PPARGC1A: variants seen among roughly 807,000 people sequenced by gnomAD.
The protein encoded by PPARGC1A is PPARG coactivator 1 alpha.
In PPARGC1A, 25 loss-of-function variants were observed where a neutral mutation model predicts 88.7. The ratio of observed to expected loss-of-function variants is 0.28; its 90% CI spans 0.21 to 0.39. The LOEUF (loss-of-function observed/expected upper bound fraction) is 0.39, where lower values mean the gene tolerates loss of function less well. PPARGC1A is among the 10% of genes least tolerant of loss of function. PPARGC1A has a pLI of 1.00. For synonymous variants in PPARGC1A, 363 were observed against 355.6 expected, an observed-to-expected ratio of 1.02 and a Z score of -0.24; for missense variants, 880 against 968.7, an observed-to-expected ratio of 0.91 and a Z score of 1.22.
chr4:23,796,216 C>T (rs556065943), intron 12 of PPARGC1A, among the ~76,000 whole-genome samples: 5 of 152,036 alleles, frequency 3.3e-5, no homozygotes, highest in African/African-American at 4.8e-5. Flanking sequence ...TCCCCCGACA[C>T]GTCAAATGAC....
intron 10 of PPARGC1A, among the ~76,000 whole-genome samples, chr4:23,808,170 G>T (rs1214425268): frequency 6.9e-6 from 1 of 144,564 alleles, no homozygotes; most frequent in African/African-American, 2.6e-5. Flanking sequence ...AGAATGGCGT[G>T]AACCCAGGAG....
the PPARGC1A span, among the ~76,000 whole-genome samples, chr4:24,433,371 C>T: frequency 2.6e-5 from 4 of 151,988 alleles, no homozygotes; most frequent in Non-Finnish European, 5.9e-5. Flanking sequence ...GGGGGACAGG[C>T]AATTCTCGGG....
the PPARGC1A span, among the ~76,000 whole-genome samples, chr4:24,070,145 C>T: frequency 5.3e-5 from 8 of 152,148 alleles, no homozygotes; most frequent in Admixed American, 2.0e-4. Flanking sequence ...GGATTCCATA[C>T]AGGAATTATA....
chr4:24,215,224 T>C, the PPARGC1A span, among the ~76,000 whole-genome samples: 1 of 152,176 alleles, frequency 6.6e-6, no homozygotes, highest in Admixed American at 6.5e-5. Flanking sequence ...CTTCTGTGAT[T>C]TCACCAGCAT....
At chr4:24,385,877 C>T in the PPARGC1A span, among the ~76,000 whole-genome samples, 4 of 152,122 alleles carry the variant, frequency 2.6e-5, no homozygotes, top group Admixed American at 2.6e-4. Flanking sequence ...AAGGACTCCT[C>T]CCTAACACAT....
chr4:23,818,839 C>CTTTT (rs762478316), intron 7 of PPARGC1A, among the ~76,000 whole-genome samples: 5 of 49,022 alleles, frequency 1.0e-4, no homozygotes, highest in African/African-American at 1.6e-4. Flanking sequence ...CCAATGGCAT[C>CTTTT]TTTTTTTTTT....
the PPARGC1A span, among the ~76,000 whole-genome samples, chr4:24,246,570 G>A: frequency 1.3e-5 from 2 of 152,198 alleles, no homozygotes; most frequent in Non-Finnish European, 2.9e-5. Context: ...GAGCTGTCAT[G>A]AAACCACTGC....
chr4:24,048,976 T>G, the PPARGC1A span, among the ~76,000 whole-genome samples: 918 of 152,170 alleles, frequency 6.0e-3, 10 homozygotes, highest in African/African-American at 0.021. Flanking sequence ...GCACATGTCT[T>G]TACATAGGGA....
At chr4:23,928,780 CAACAAAAAAAAA>C in the PPARGC1A span, among the ~76,000 whole-genome samples, 1 of 102,528 alleles carries the variant, frequency 9.8e-6, no homozygotes. Context: ...CAAAAAAAAA[CAACAAAAAAAAA>C]AACCCAAGAT....
chr4:23,994,490 G>T, the PPARGC1A span, among the ~76,000 whole-genome samples: 1 of 152,106 alleles, frequency 6.6e-6, no homozygotes, highest in Non-Finnish European at 1.5e-5. Context: ...TCTGCATATT[G>T]GGCAGAGAAG....
chr4:23,962,207 C>T, the PPARGC1A span, among the ~76,000 whole-genome samples: 7 of 151,998 alleles, frequency 4.6e-5, no homozygotes, highest in Admixed American at 3.9e-4. Flanking sequence ...ATAGAAAAGT[C>T]TCAATATCAA....
the PPARGC1A span, among the ~76,000 whole-genome samples, chr4:24,284,129 CAAAAA>C: frequency 1.7e-5 from 2 of 117,920 alleles, no homozygotes; most frequent in Middle Eastern, 4.6e-3. Flanking sequence ...CTAAAAATAC[CAAAAA>C]AAAAAAAAAA....
At chr4:24,024,221 C>T in the PPARGC1A span, among the ~76,000 whole-genome samples, 33 of 152,208 alleles carry the variant, frequency 2.2e-4, no homozygotes, top group East Asian at 7.7e-4. Context: ...GTGCCACTTC[C>T]TTGCCCAGAC....
At chr4:24,319,435 T>C in the PPARGC1A span, among the ~76,000 whole-genome samples, 1 of 152,128 alleles carries the variant, frequency 6.6e-6, no homozygotes, top group Non-Finnish European at 1.5e-5. Context: ...AACAGAGAAG[T>C]GTCAAGAAAG....
At chr4:23,996,083 T>C in the PPARGC1A span, among the ~76,000 whole-genome samples, 1 of 152,116 alleles carries the variant, frequency 6.6e-6, no homozygotes. Flanking sequence ...GAAAGGGCAA[T>C]TCTTAGTTGC....
At chr4:24,467,008 G>GGAGAA in the PPARGC1A span, among the ~76,000 whole-genome samples, 1 of 128,838 alleles carries the variant, frequency 7.8e-6, no homozygotes, top group Admixed American at 8.1e-5. Context: ...GAAGGAAGGG[G>GGAGAA]AGAAAGAAAG....
the PPARGC1A span, among the ~76,000 whole-genome samples, chr4:23,979,167 C>T: frequency 4.2e-4 from 64 of 152,226 alleles, no homozygotes; most frequent in African/African-American, 1.3e-3. Context: ...AGAACACTAG[C>T]ACCATTTTTT....
the PPARGC1A span, among the ~76,000 whole-genome samples, chr4:24,092,996 C>T: frequency 3.3e-5 from 5 of 152,174 alleles, no homozygotes; most frequent in Admixed American, 3.3e-4. Context: ...ACAATATCAA[C>T]CATAATCATC....
the PPARGC1A span, among the ~76,000 whole-genome samples, chr4:24,284,257 C>T: frequency 0.077 from 11,715 of 152,000 alleles, 459 homozygotes; most frequent in East Asian, 0.1. Context: ...TGCAATGAAC[C>T]GAGATCACGC....
Sources: gnomAD v4.1 joint callset for allele counts (sites outside exome capture counted in the v4.1 genomes callset) on GRCh38, gnomAD v4.1.1 for gene constraint, MANE v1.5 for transcripts, NCBI Gene and HGNC (gene_info 2026-07-23, HGNC 2026-07-21) for gene names.